The following LRRC37A variants were observed in gnomAD, a reference collection of about 807,000 sequenced individuals.
LRRC37A encodes the protein leucine-rich repeat-containing protein 37A.
In LRRC37A, 3 loss-of-function variants were observed where a neutral mutation model predicts 35.4. The observed-to-expected ratio is 0.08, with a 90% CI of 0.04 to 0.22. LRRC37A has a LOEUF of 0.22. Ranked by LOEUF, LRRC37A falls within the 10% of genes least tolerant of loss-of-function variation. The pLI, the probability that LRRC37A is intolerant of heterozygous loss-of-function variation, is 1.00. For missense variants in LRRC37A, 67 were observed against 565.3 expected, an observed-to-expected ratio of 0.12 and a Z score of 8.94; for synonymous variants, 23 against 215.0, an observed-to-expected ratio of 0.11 and a Z score of 7.81.
chr17:46,255,304 T>A, the LRRC37A span, among the ~76,000 whole-genome samples: 1 of 151,324 alleles, frequency 6.6e-6, no homozygotes, highest in Non-Finnish European at 1.5e-5. Context: ...TGCTGCTGAA[T>A]CAATAAGGAT....
the LRRC37A span, chr17:46,260,108 C>G: frequency 6.4e-7 from 1 of 1,561,142 alleles, no homozygotes; most frequent in Non-Finnish European, 8.6e-7. Context: ...AGCAGCCGCG[C>G]CTCCTGCAGG....
chr17:46,255,358 A>G, the LRRC37A span, among the ~76,000 whole-genome samples: 5 of 147,552 alleles, frequency 3.4e-5, no homozygotes, highest in African/African-American at 1.2e-4. Flanking sequence ...CATCCTCCCC[A>G]AATTCTTTTT....
the LRRC37A span, chr17:46,268,392 T>G: frequency 5.7e-6 from 5 of 874,494 alleles, no homozygotes; most frequent in African/African-American, 7.8e-5. Flanking sequence ...CAGTTTCAAC[T>G]TGTGCAGCAA....
chr17:46,278,359 C>G, the LRRC37A span, among the ~76,000 whole-genome samples: 1 of 151,932 alleles, frequency 6.6e-6, no homozygotes, highest in Non-Finnish European at 1.5e-5. Context: ...TTTTTGAGTC[C>G]TAGTCTTTTT....
chr17:46,290,341 G>T (rs1346918080), upstream of LRRC37A, among the ~76,000 whole-genome samples: 1 of 152,078 alleles, frequency 6.6e-6, no homozygotes, highest in Non-Finnish European at 1.5e-5. Context: ...GCCCAGGCTG[G>T]TCTCAAAATC....
At chr17:46,276,894 C>T in the LRRC37A span, among the ~76,000 whole-genome samples, 1 of 151,610 alleles carries the variant, frequency 6.6e-6, no homozygotes, top group Non-Finnish European at 1.5e-5. Context: ...GCCTCAACCT[C>T]CAGGGCTCAG....
the LRRC37A span, among the ~76,000 whole-genome samples, chr17:46,280,672 C>G: frequency 7.1e-6 from 1 of 141,576 alleles, no homozygotes; most frequent in African/African-American, 2.6e-5. Context: ...CTCCCTGTTT[C>G]AAGTGATTCT....
chr17:46,263,672 T>C, the LRRC37A span, among the ~76,000 whole-genome samples: 1 of 144,646 alleles, frequency 6.9e-6, no homozygotes, highest in Non-Finnish European at 1.5e-5. Flanking sequence ...CTGACCAACA[T>C]GGAGAAACCC....
the LRRC37A span, among the ~76,000 whole-genome samples, chr17:46,284,847 A>T: frequency 6.6e-6 from 1 of 152,244 alleles, no homozygotes; most frequent in South Asian, 2.1e-4. Context: ...AGAAAGTTTC[A>T]ATCCAATGCA....
chr17:46,262,476 G>A, the LRRC37A span, among the ~76,000 whole-genome samples: 2 of 152,298 alleles, frequency 1.3e-5, no homozygotes, highest in Admixed American at 1.3e-4. Context: ...GCTTCCCAAA[G>A]TCCTGGGATT....
chr17:46,253,713 CAGAGGGAGACCGTGGAAAGAGAGGG>C, the LRRC37A span, among the ~76,000 whole-genome samples: 6 of 137,062 alleles, frequency 4.4e-5, no homozygotes, highest in Non-Finnish European at 7.6e-5. Flanking sequence ...AGTCCAGCAT[CAGAGGGAGACCGTGGAAAGAGAGGG>C]AGAGGGAGAC....
intron 7 of LRRC37A, among the ~76,000 whole-genome samples, chr17:46,324,659 G>GAT (rs1245431860): frequency 1.1e-4 from 2 of 18,166 alleles, no homozygotes; most frequent in African/African-American, 1.5e-4. Flanking sequence ...TTCTTTGCAG[G>GAT]ATATATATAT....
At chr17:46,270,199 G>A in the LRRC37A span, among the ~76,000 whole-genome samples, 2 of 152,236 alleles carry the variant, frequency 1.3e-5, no homozygotes, top group Non-Finnish European at 2.9e-5. Flanking sequence ...ATGCACTCAG[G>A]AAGGTCAGAA....
the LRRC37A span, chr17:46,260,663 C>G: frequency 3.0e-6 from 4 of 1,345,776 alleles, no homozygotes; most frequent in South Asian, 2.6e-5. Context: ...CACTCTTGTT[C>G]TCCAGGCTGG....
chr17:46,261,416 ATT>A, the LRRC37A span, among the ~76,000 whole-genome samples: 9 of 150,712 alleles, frequency 6.0e-5, no homozygotes, highest in Middle Eastern at 3.4e-3. Flanking sequence ...TATATTTGTA[ATT>A]TTTTTTTTCT....
chr17:46,284,274 C>T, the LRRC37A span, among the ~76,000 whole-genome samples: 1 of 152,258 alleles, frequency 6.6e-6, no homozygotes, highest in Non-Finnish European at 1.5e-5. Flanking sequence ...AGGCAGAGGT[C>T]CCTGCGGCCT....
At chr17:46,261,038 G>A in the LRRC37A span, among the ~76,000 whole-genome samples, 19,670 of 151,950 alleles carry the variant, frequency 0.13, 1 homozygote, top group Middle Eastern at 0.2. Flanking sequence ...GAATGACACA[G>A]TGGACTTTGG....
At chr17:46,265,011 C>T in the LRRC37A span, among the ~76,000 whole-genome samples, 1 of 152,252 alleles carries the variant, frequency 6.6e-6, no homozygotes, top group Non-Finnish European at 1.5e-5. Flanking sequence ...AACAGGGCCC[C>T]GAGGGCATGA....
chr17:46,252,512 G>A, the LRRC37A span, among the ~76,000 whole-genome samples: 1 of 148,620 alleles, frequency 6.7e-6, no homozygotes, highest in Non-Finnish European at 1.5e-5. Context: ...CTAGGCAGAG[G>A]ACCCTGCGCC....
Sources: allele counts gnomAD v4.1 joint callset (sites outside exome capture counted in the v4.1 genomes callset), GRCh38; gene constraint gnomAD v4.1.1; transcripts MANE v1.5; gene names NCBI Gene and HGNC (gene_info 2026-07-23, HGNC 2026-07-21).